Variants in PRIMPOL observed in about 807,000 individuals in gnomAD.
PRIMPOL encodes primase and DNA directed polymerase, also known as DNA-directed primase/polymerase protein.
Under a neutral mutation model 63.6 loss-of-function variants are expected in PRIMPOL, and 54 were observed. That is an observed-to-expected ratio of 0.85 (90% CI 0.68 to 1.07). The LOEUF (loss-of-function observed/expected upper bound fraction) is 1.07. Ranked by LOEUF, PRIMPOL falls within the 50% of genes least tolerant of loss-of-function variation. The pLI is 0.00. For missense variants in PRIMPOL, 610 were observed against 648.3 expected (o/e 0.94, Z 0.64); for synonymous variants, 197 against 220.2 (o/e 0.89, Z 0.93).
At chr4:184,673,892 A>G (rs1380843254) in intron 7 of PRIMPOL, among the ~76,000 whole-genome samples, 1 of 152,228 alleles carries the variant, frequency 6.6e-6, no homozygotes, top group East Asian at 1.9e-4. Flanking sequence ...TCTGGCAATC[A>G]AGCACCAGAA....
rs1560941815 is a variant in PRIMPOL at position 184,657,281 on chromosome 4, A to G, written c.141A>G (p.Arg47=). The part of the protein sequence containing the change: ...EPPSIWRLFH[R]QAQAFNFVKS... ...CCTCCATCTGGAGACTATTTCATCG[A>G]CAAGCTCAAGCTTTTAATTTTGTTA... Residue 47 remains arginine, a synonymous_variant, in exon 3 of 14, where the codon CGA becomes CGG. Coordinates refer to ENST00000314970, the MANE Select transcript of PRIMPOL (RefSeq NM_152683.4). 3 of 1,612,988 alleles carry G rather than the reference A, an allele frequency of 1.9e-6. No homozygotes were observed. The highest frequency in any genetic ancestry group is 1.7e-5 in the Admixed American group (1 of 59,766).
chr4:184,661,693 T>G, intron 4 of PRIMPOL, 81 bp from the exon 5 acceptor site: 1 of 946,772 alleles, frequency 1.1e-6, no homozygotes, highest in East Asian at 2.9e-5. Flanking sequence ...GCAACAGAGC[T>G]GACTCAGTCT....
At chr4:184,691,470 A>G in intron 11 of PRIMPOL, 29 bp from the exon 12 acceptor site, 1 of 1,243,860 alleles carries the variant, frequency 8.0e-7, no homozygotes, top group Non-Finnish European at 1.1e-6. Flanking sequence ...CTTGGTATTA[A>G]TACTTTTTTT....
At chr4:184,671,941 CGTG>C (rs2150091196) in intron 6 of PRIMPOL, among the ~76,000 whole-genome samples, 1 of 151,980 alleles carries the variant, frequency 6.6e-6, no homozygotes, top group Admixed American at 6.6e-5. Flanking sequence ...GGGGTTTCAC[CGTG>C]TTAACCAGGA....
intron 6 of PRIMPOL, among the ~76,000 whole-genome samples, chr4:184,670,963 A>G (rs1460613325): frequency 6.6e-6 from 1 of 150,762 alleles, no homozygotes; most frequent in Non-Finnish European, 1.5e-5. Context: ...ATGAATCTAA[A>G]CAATAACAGT....
chr4:184,677,563 A>C (rs886486786), intron 7 of PRIMPOL, among the ~76,000 whole-genome samples: 5 of 152,012 alleles, frequency 3.3e-5, no homozygotes, highest in African/African-American at 1.2e-4. Flanking sequence ...ATAAGTCTTT[A>C]TATCTAGGAA....
At chr4:184,651,382 CCTTT>C (rs10560954) in intron 1 of PRIMPOL, among the ~76,000 whole-genome samples, 6,866 of 152,182 alleles carry the variant, frequency 0.045, 490 homozygotes, top group African/African-American at 0.15. Flanking sequence ...AAGACTTAGG[CCTTT>C]CTTTATCCCT....
chr4:184,655,273 G>A (rs1409383267), intron 2 of PRIMPOL, among the ~76,000 whole-genome samples: 1 of 150,790 alleles, frequency 6.6e-6, no homozygotes, highest in Non-Finnish European at 1.5e-5. Context: ...GCCTCCCAAA[G>A]TGCTGGGATT....
chr4:184,670,261 C>T (rs573088157), intron 6 of PRIMPOL, among the ~76,000 whole-genome samples: 1 of 152,290 alleles, frequency 6.6e-6, no homozygotes, highest in Admixed American at 6.5e-5. Context: ...CTGCCATTGC[C>T]ACCATTTCTG....
At chr4:184,658,650 A>T (rs927791797) in intron 3 of PRIMPOL, among the ~76,000 whole-genome samples, 1 of 152,178 alleles carries the variant, frequency 6.6e-6, no homozygotes, top group African/African-American at 2.4e-5. Flanking sequence ...TCATGCCTGT[A>T]ATCCCAGCAC....
chr4:184,666,916 G>A (rs1750067862), intron 6 of PRIMPOL, among the ~76,000 whole-genome samples: 1 of 152,166 alleles, frequency 6.6e-6, no homozygotes, highest in Non-Finnish European at 1.5e-5. Context: ...GTTAGAATGG[G>A]AACACCATAT....
In PRIMPOL at chr4:184,661,884, T is replaced by TG. The variant is rs558986236; in HGVS notation, c.391dup (p.Val131GlyfsTer6). ...AACCCAGGAGCTGATGGGAAAAAGA[T>TG]GGTTGCATTACTCATTGAGGTAAAT... On this transcript the variant is annotated frameshift_variant, in exon 5 of 14. Coordinates refer to ENST00000314970, the MANE Select transcript of PRIMPOL (RefSeq NM_152683.4). LOFTEE classifies it high-confidence loss of function. 3.4e-4 allele frequency: 556 copies of TG among 1,613,438 alleles called. 3 individuals are homozygous for TG. In the East Asian group the frequency reaches 0.011, roughly 31 times the overall value.
At chr4:184,674,833 C>T (rs151102943) in intron 7 of PRIMPOL, among the ~76,000 whole-genome samples, 71 of 152,244 alleles carry the variant, frequency 4.7e-4, no homozygotes, top group Middle Eastern at 3.4e-3. Context: ...TCTGTTTACA[C>T]GACGAATCAT....
intron 6 of PRIMPOL, among the ~76,000 whole-genome samples, chr4:184,666,901 A>G (rs1438084749): frequency 6.6e-6 from 1 of 152,242 alleles, no homozygotes; most frequent in Non-Finnish European, 1.5e-5. Flanking sequence ...AAGGAGAAAC[A>G]CATAGTTAGA....
At chr4:184,694,469 C>T (rs1306058944) in intron 13 of PRIMPOL, 53 bp from the exon 14 acceptor site, 2 of 1,575,166 alleles carry the variant, frequency 1.3e-6, no homozygotes, top group Admixed American at 1.8e-5. Flanking sequence ...ATCACATATC[C>T]TGAGTAAATA....
At chr4:184,658,655 C>CA (rs1250246282) in intron 3 of PRIMPOL, among the ~76,000 whole-genome samples, 1 of 152,112 alleles carries the variant, frequency 6.6e-6, no homozygotes, top group Admixed American at 6.5e-5. Flanking sequence ...CCTGTAATCC[C>CA]AGCACTTTAG....
Position 184,665,915 on chromosome 4 carries a change from A to G in PRIMPOL, c.409-2A>G. ...TTATTTGCATTTTACTTGTGTTTTTAGTATGTGTGTAAAGCACTTCAAGAG... is the reference window on the plus strand; with the variant it reads ...TTATTTGCATTTTACTTGTGTTTTTGGTATGTGTGTAAAGCACTTCAAGAG... On this transcript the variant is annotated splice_acceptor_variant, in intron 5 of 13. Coordinates refer to ENST00000314970, the MANE Select transcript of PRIMPOL (RefSeq NM_152683.4). LOFTEE classifies it high-confidence loss of function. The G allele has an allele frequency of 6.5e-7, 1 of 1,532,246 alleles. No individual in the cohort carries two copies. The highest frequency in any genetic ancestry group is 8.8e-7 in the Non-Finnish European group (1 of 1,140,294). 94.9% of individuals were successfully genotyped at this position (1,532,246 alleles called of 1,614,324 possible). A position where few individuals can be genotyped will look rare whatever the true frequency, so the allele number is the denominator to read the frequency against.
intron 2 of PRIMPOL, among the ~76,000 whole-genome samples, chr4:184,654,979 TC>T (rs1745897077): frequency 6.6e-6 from 1 of 152,126 alleles, no homozygotes; most frequent in Non-Finnish European, 1.5e-5. Flanking sequence ...TTGTTTTTTT[TC>T]TAACAAGGTC....
intron 6 of PRIMPOL, among the ~76,000 whole-genome samples, chr4:184,670,150 TG>T (rs973539773): frequency 6.6e-6 from 1 of 152,194 alleles, no homozygotes; most frequent in Non-Finnish European, 1.5e-5. Flanking sequence ...TGTGGTTTGC[TG>T]GACCAGTGTG....
Sources: allele counts gnomAD v4.1 joint callset (sites outside exome capture counted in the v4.1 genomes callset), GRCh38; gene constraint gnomAD v4.1.1; transcripts MANE v1.5; gene names NCBI Gene and HGNC (gene_info 2026-07-23, HGNC 2026-07-21).